The following CLCNKB variants were observed in gnomAD, a reference collection of about 807,000 sequenced individuals.
CLCNKB encodes chloride channel protein ClC-Kb.
Under a neutral mutation model 83.8 loss-of-function variants are expected in CLCNKB, and 74 were observed. The ratio of observed to expected loss-of-function variants is 0.88; its 90% confidence interval spans 0.73 to 1.07. The LOEUF is 1.07. Ranked by LOEUF, CLCNKB falls within the 50% of genes least tolerant of loss-of-function variation. The pLI, the probability that CLCNKB is intolerant of heterozygous loss-of-function variation, is 0.00. For missense variants in CLCNKB, 798 were observed against 893.6 expected (o/e 0.89, Z 1.36); for synonymous variants, 358 against 356.6 (o/e 1.00, Z -0.04).
chr1:16,054,645 T>A (rs549933051), intron 16 of CLCNKB, among the ~76,000 whole-genome samples: 18 of 152,276 alleles, frequency 1.2e-4, no homozygotes, highest in African/African-American at 4.3e-4. Flanking sequence ...TGCTGTGGAA[T>A]ATGCCAAATA....
chr1:16,055,297 T>A lies in CLCNKB; in HGVS notation c.1757-138T>A, dbSNP rs12047858. ...TGTGCCTCTGAGCCAAAGTTTCCTG[T>A]CCTTTATAATGGGTGACAATAGTCA... On this transcript the variant is annotated intron_variant, in intron 16 of 19. Coordinates refer to ENST00000375679, the MANE Select transcript of CLCNKB (RefSeq NM_000085.5). The A allele has an allele frequency of 0.46, 354,300 of 765,360 alleles. 85,311 individuals are homozygous for A. The highest frequency in any genetic ancestry group is 0.82 in the East Asian group (30,614 of 37,286). The allele number at this position is 765,360 out of a possible 1,614,324, so 47.4% of individuals were successfully genotyped here.
intron 7 of CLCNKB, 162 bp downstream of exon 7, chr1:16,048,744 G>A: frequency 4.1e-6 from 6 of 1,471,106 alleles, no homozygotes; most frequent in Non-Finnish European, 5.4e-6. Flanking sequence ...ACCGGGGGGA[G>A]GGGGGGCGGG....
Position 16,044,522 on chromosome 1 carries a change from C to A in CLCNKB, c.30C>A (p.Gly10=). MEEFVGLRE[G]SSGNPVTLQE... ...AGGAGTTTGTGGGGCTGCGTGAAGGCTCCTCAGGGAACCCTGTGACTCTGC... is the reference window on the plus strand; with the variant it reads ...AGGAGTTTGTGGGGCTGCGTGAAGGATCCTCAGGGAACCCTGTGACTCTGC... Residue 10 remains glycine, a synonymous_variant, in exon 2 of 20, where the codon GGC becomes GGA. Coordinates refer to ENST00000375679, the MANE Select transcript of CLCNKB (RefSeq NM_000085.5). 3.1e-6 allele frequency: 5 copies of A among 1,606,556 alleles called. 1 individual carries two copies. The highest frequency in any genetic ancestry group is 4.2e-6 in the Non-Finnish European group (5 of 1,177,316).
chr1:16,044,383 A>ACACACACATGC, intron 1 of CLCNKB, 103 bp from the exon 2 acceptor site: 4 of 851,890 alleles, frequency 4.7e-6, no homozygotes, highest in Non-Finnish European at 7.8e-6. Flanking sequence ...ACACACGCAC[A>ACACACACATGC]ATCTTTCCTC....
rs1207257703 is a variant in CLCNKB at position 16,049,606 on chromosome 1, C to T, written c.782-12C>T. ...AGCGCCATCTTGGCTCCCCACTGCCCTCCTTCCCCAGAGACCATCACCTCC... is the reference window on the plus strand; with the variant it reads ...AGCGCCATCTTGGCTCCCCACTGCCTTCCTTCCCCAGAGACCATCACCTCC... On this transcript the variant is annotated splice_polypyrimidine_tract_variant and intron_variant, in intron 8 of 19. Transcript: ENST00000375679. 25 of 1,591,884 alleles carry T rather than the reference C, an allele frequency of 1.6e-5. No individual in the cohort carries two copies. In the Admixed American group the frequency reaches 4.2e-4, roughly 27 times the overall value.
At chr1:16,048,175 G>A in intron 5 of CLCNKB, 131 bp downstream of exon 5, 2 of 1,444,764 alleles carry the variant, frequency 1.4e-6, no homozygotes, top group Non-Finnish European at 1.9e-6. Flanking sequence ...ACTCAGTCTT[G>A]GGGGAAGAGG....
At position 16,052,390 on chromosome 1, in the gene CLCNKB, G is replaced by A. The variant is rs775877075; in HGVS notation, c.1601G>A (p.Arg534Gln). ...VIVKKLPYLPRILGRNIGSHR... is the reference protein window; with the variant it reads ...VIVKKLPYLPQILGRNIGSHR... ...GTCAAGAAGCTGCCATACCTGCCAC[G>A]GATTCTGGGCCGCAACATCGGGTGA... Residue 534 changes from arginine to glutamine, a missense_variant, in exon 15 of 20, where the codon CGG becomes CAG. Transcript: ENST00000375679. The A allele has an allele frequency of 3.2e-5, 51 of 1,613,428 alleles. No individual in the cohort carries two copies. The highest frequency in any genetic ancestry group is 4.5e-5 in the East Asian group (2 of 44,888).
At chr1:16,050,683 A>G in intron 11 of CLCNKB, 83 bp downstream of exon 11, 2 of 1,499,252 alleles carry the variant, frequency 1.3e-6, no homozygotes, top group East Asian at 2.3e-5. Flanking sequence ...AATCCCCCCA[A>G]TACCCCATAA....
chr1:16,046,723 G>T, intron 4 of CLCNKB, 60 bp downstream of exon 4: 1 of 1,602,450 alleles, frequency 6.2e-7, no homozygotes, highest in Non-Finnish European at 8.5e-7. Flanking sequence ...ATCCCAGGGG[G>T]GAGTCGGGAA....
Position 16,057,289 on chromosome 1 carries a change from A to G in CLCNKB, c.*373A>G, listed in dbSNP as rs1333306477. On this transcript the variant is annotated 3_prime_UTR_variant, in exon 20 of 20. Transcript: ENST00000375679. Reference sequence around the variant, plus strand: ...GTTCCCAGTGAGAGGCTCCTGAGAAAAATAAAGCTGGTTCCCAGAGCTGGT... The same window carrying G: ...GTTCCCAGTGAGAGGCTCCTGAGAAGAATAAAGCTGGTTCCCAGAGCTGGT... The G allele has an allele frequency of 3.4e-6, 2 of 589,502 alleles. No homozygotes were observed. Among genetic ancestry groups the G allele is most frequent in the Non-Finnish European group, 6.6e-6 (2 of 302,856 alleles). The allele number at this position is 589,502 out of a possible 1,614,324, so 36.5% of individuals were successfully genotyped here. A position where few individuals can be genotyped will look rare whatever the true frequency, so the allele number is the denominator to read the frequency against.
chr1:16,048,709 G>A (rs868411596), intron 7 of CLCNKB, 127 bp downstream of exon 7: 1 of 1,507,654 alleles, frequency 6.6e-7, no homozygotes, highest in African/African-American at 1.4e-5. Context: ...CTTCAGCCCC[G>A]CCTTGGGCAC....
intron 16 of CLCNKB, 75 bp downstream of exon 16, chr1:16,053,847 A>G: frequency 6.3e-7 from 1 of 1,579,568 alleles, no homozygotes; most frequent in Non-Finnish European, 8.6e-7. Context: ...TGTCAGGCAG[A>G]CAGGATCTGC....
At chr1:16,048,660 A>G in intron 7 of CLCNKB, 78 bp downstream of exon 7, 1 of 1,591,620 alleles carries the variant, frequency 6.3e-7, no homozygotes, top group Non-Finnish European at 8.6e-7. Flanking sequence ...GGCCCAGCTG[A>G]GAGCCTGGAG....
At position 16,045,606 on chromosome 1, in the gene CLCNKB, G is replaced by GGT; in HGVS notation, c.150_151dup (p.Tyr51CysfsTer4). On this transcript the variant is annotated frameshift_variant, in exon 3 of 20. Coordinates refer to ENST00000375679, the MANE Select transcript of CLCNKB (RefSeq NM_000085.5). LOFTEE classifies it high-confidence loss of function. ...AAGCTCTTCCGCCTGGGCGAGGACT[G>GGT]GTACTTCCTGATGACCCTCGGGGTG... The GGT allele has an allele frequency of 6.2e-7, 1 of 1,614,080 alleles. No individual in the cohort carries two copies. Among genetic ancestry groups the GGT allele is most frequent in the Non-Finnish European group, 8.5e-7 (1 of 1,179,920 alleles).
chr1:16,044,673 GC>G, intron 2 of CLCNKB, 81 bp downstream of exon 2: 1 of 1,194,500 alleles, frequency 8.4e-7, no homozygotes, highest in Non-Finnish European at 1.2e-6. Context: ...CCACCTCCCT[GC>G]CCAGGAACCA....
At chr1:16,048,764 T>C (rs1183897480) in intron 7 of CLCNKB, 182 bp downstream of exon 7, 1 of 1,471,662 alleles carries the variant, frequency 6.8e-7, no homozygotes, top group East Asian at 2.5e-5. Flanking sequence ...GTGACTTGAT[T>C]GGCGGTGCTA....
In CLCNKB at chr1:16,049,881, G is replaced by A. The variant is rs1341288687; in HGVS notation, c.933G>A (p.Arg311=). Residue 311 remains arginine, a synonymous_variant, in exon 10 of 20, where the codon AGG becomes AGA. Transcript: ENST00000375679. The part of the protein sequence containing the change: ...FCQRIFFGFI[R]NNRFSSKLLA... ...AGCGAATCTTCTTTGGCTTCATCAG[G>A]AACAATAGGTTCAGCTCCAAACTGC... 1.2e-6 allele frequency: 2 copies of A among 1,613,870 alleles called. No homozygotes were observed. Among genetic ancestry groups the A allele is most frequent in the Non-Finnish European group, 1.7e-6 (2 of 1,179,922 alleles).
In CLCNKB at chr1:16,045,679, G is replaced by T. The variant is rs755918269; in HGVS notation, c.222G>T (p.Val74=). 2 of 1,613,378 alleles carry T rather than the reference G, an allele frequency of 1.2e-6. No homozygotes were observed. Among genetic ancestry groups the T allele is most frequent in the East Asian group, 2.2e-5 (1 of 44,848 alleles). ...CCATGGACTTGGCTGTTGAGAGTGT[G>T]GTCCGAGGTAACCCCTCCATGGCAG... The part of the protein sequence containing the change: ...SCAMDLAVES[V]VRAHQWLYRE... The change falls in exon 3 of 20, where the codon GTG becomes GTT. Residue 74 remains valine (V), a synonymous_variant. Transcript: ENST00000375679.
Position 16,055,523 on chromosome 1 carries a change from G to C in CLCNKB, c.1845G>C (p.Gln615His). Residue 615 changes from glutamine (Q) to histidine (H), a missense_variant and splice_region_variant, in exon 17 of 20, where the codon CAG becomes CAC. Transcript: ENST00000375679. ...AEPPSWAPGHQQCLQDILAAG... is the reference protein window; with the variant it reads ...AEPPSWAPGHHQCLQDILAAG... Reference sequence around the variant, plus strand: ...CTCCTTCCTGGGCTCCTGGACACCAGGTGGGTACTCCTGAGGGGCATGGGG... The same window carrying C: ...CTCCTTCCTGGGCTCCTGGACACCACGTGGGTACTCCTGAGGGGCATGGGG... The C allele has an allele frequency of 6.2e-7, 1 of 1,610,780 alleles. No homozygotes were observed. The highest frequency in any genetic ancestry group is 8.5e-7 in the Non-Finnish European group (1 of 1,178,432).
Sources: gnomAD v4.1 joint callset for allele counts (sites outside exome capture counted in the v4.1 genomes callset) on GRCh38, gnomAD v4.1.1 for gene constraint, MANE v1.5 for transcripts, NCBI Gene and HGNC (gene_info 2026-07-23, HGNC 2026-07-21) for gene names.